The following PVR variants were observed in gnomAD, a reference collection of about 807,000 sequenced individuals.
PVR encodes the protein poliovirus receptor.
In PVR, 39 loss-of-function variants were observed where a neutral mutation model predicts 43.3. The ratio of observed to expected loss-of-function variants is 0.90; its 90% CI spans 0.70 to 1.18. PVR has a LOEUF of 1.18. Ranked by LOEUF, PVR falls within the 50% of genes most tolerant of loss-of-function variation. The pLI is 0.00. For missense variants in PVR, 480 were observed against 549.7 expected, an observed-to-expected ratio of 0.87 and a Z score of 1.27; for synonymous variants, 224 against 233.2, an observed-to-expected ratio of 0.96 and a Z score of 0.36.
At chr19:44,649,352 C>T (rs1406296957) in intron 2 of PVR, among the ~76,000 whole-genome samples, 1 of 151,996 alleles carries the variant, frequency 6.6e-6, no homozygotes, top group African/African-American at 2.4e-5. Context: ...GACAAGGAAA[C>T]TGAGGCACAG....
At chr19:44,644,494 T>C (rs1410623090) in intron 1 of PVR, among the ~76,000 whole-genome samples, 1 of 151,948 alleles carries the variant, frequency 6.6e-6, no homozygotes, top group South Asian at 2.1e-4. Context: ...AAAAGGCAAG[T>C]GAATCCCGGA....
At chr19:44,655,834 T>C (rs1362942352) in intron 4 of PVR, among the ~76,000 whole-genome samples, 4 of 151,430 alleles carry the variant, frequency 2.6e-5, no homozygotes, top group Non-Finnish European at 5.9e-5. Context: ...AATCATATTA[T>C]GCATTTCAGA....
intron 5 of PVR, 57 bp downstream of exon 5, chr19:44,657,967 T>C (rs1456718783): frequency 6.4e-7 from 1 of 1,567,732 alleles, no homozygotes; most frequent in Non-Finnish European, 8.7e-7. Context: ...CGAGGCAGGG[T>C]TCCCTGTCTA....
intron 3 of PVR, 35 bp downstream of exon 3, chr19:44,650,140 C>T: frequency 1.3e-6 from 2 of 1,491,908 alleles, no homozygotes; most frequent in Non-Finnish European, 1.8e-6. Context: ...GCAAGAACCC[C>T]TGCCGGGCTG....
intron 4 of PVR, among the ~76,000 whole-genome samples, chr19:44,655,659 A>G (rs1360051625): frequency 6.6e-6 from 1 of 152,042 alleles, no homozygotes; most frequent in Non-Finnish European, 1.5e-5. Context: ...CCACAACTCC[A>G]TTTTCCCCCA....
chr19:44,661,878 C>A lies in PVR; in HGVS notation c.*67C>A. On this transcript the variant is annotated 3_prime_UTR_variant, in exon 8 of 8. Transcript: ENST00000425690. Reference sequence around the variant, plus strand: ...GGACGTGGGCCTCCAGAGTTGGACCCGACCCCAATGGATGAAGACCCCCTC... The same window carrying A: ...GGACGTGGGCCTCCAGAGTTGGACCAGACCCCAATGGATGAAGACCCCCTC... The A allele has an allele frequency of 6.9e-7, 1 of 1,443,864 alleles. No homozygotes were observed. Among genetic ancestry groups the A allele is most frequent in the Non-Finnish European group, 9.7e-7 (1 of 1,031,050 alleles). The allele number at this position is 1,443,864 out of a possible 1,614,324, so 89.4% of individuals were successfully genotyped here.
chr19:44,654,188 G>C (rs1973369785), intron 4 of PVR, among the ~76,000 whole-genome samples, 171 bp downstream of exon 4: 1 of 151,470 alleles, frequency 6.6e-6, no homozygotes, highest in Non-Finnish European at 1.5e-5. Context: ...TCTGAGGGAA[G>C]AGGGGCTGGG....
intron 1 of PVR, among the ~76,000 whole-genome samples, chr19:44,646,556 G>A (rs1316126801): frequency 1.3e-5 from 2 of 152,104 alleles, no homozygotes; most frequent in African/African-American, 4.8e-5. Flanking sequence ...CTTGAGGTCA[G>A]GAGTTCAAGA....
At chr19:44,656,631 A>G (rs1283834105) in intron 4 of PVR, among the ~76,000 whole-genome samples, 3 of 152,206 alleles carry the variant, frequency 2.0e-5, no homozygotes, top group Non-Finnish European at 2.9e-5. Flanking sequence ...TAAAGTGTGT[A>G]GTGTGTGTGC....
Position 44,647,219 on chromosome 19 carries a change from G to T in PVR, c.80-4G>T. The T allele has an allele frequency of 1.3e-6, 2 of 1,532,710 alleles. No individual in the cohort carries two copies. 94.9% of individuals were successfully genotyped at this position (1,532,710 alleles called of 1,614,324 possible). A position where few individuals can be genotyped will look rare whatever the true frequency, so the allele number is the denominator to read the frequency against. ...TCTGACACCTTCTCTTCGGTTCTCC[G>T]CAGGGGACGTCGTCGTGCAGGCGCC... On this transcript the variant is annotated splice_polypyrimidine_tract_variant and splice_region_variant and intron_variant, in intron 1 of 7. Coordinates refer to ENST00000425690, the MANE Select transcript of PVR (RefSeq NM_006505.5).
chr19:44,661,475 C>A, intron 7 of PVR, 152 bp downstream of exon 7: 1 of 881,786 alleles, frequency 1.1e-6, no homozygotes, highest in East Asian at 2.6e-5. Flanking sequence ...TGGGCGGAAT[C>A]CCCTGTAGAG....
chr19:44,645,424 TATATATATATATATATATA>T (rs1391675671), intron 1 of PVR, among the ~76,000 whole-genome samples: 3 of 101,330 alleles, frequency 3.0e-5, no homozygotes, highest in Non-Finnish European at 5.5e-5. Context: ...TGTATATATA[TATATATATATATATATATA>T]TAGTGCGTGT....
At chr19:44,655,145 G>A (rs762051553) in intron 4 of PVR, among the ~76,000 whole-genome samples, 5 of 151,984 alleles carry the variant, frequency 3.3e-5, no homozygotes, top group Non-Finnish European at 7.4e-5. Flanking sequence ...GTGCAGTGGC[G>A]TGATCATAGC....
intron 1 of PVR, among the ~76,000 whole-genome samples, chr19:44,645,124 T>TAA (rs368011348): frequency 1.3e-4 from 8 of 59,742 alleles, no homozygotes; most frequent in African/African-American, 6.4e-4. Flanking sequence ...ATATAATATA[T>TAA]TATAATATAT....
At chr19:44,657,074 C>T (rs1222723032) in intron 4 of PVR, among the ~76,000 whole-genome samples, 1 of 152,120 alleles carries the variant, frequency 6.6e-6, no homozygotes, top group Non-Finnish European at 1.5e-5. Flanking sequence ...GGTGACATCC[C>T]AGCAGAGGCC....
chr19:44,646,558 A>G (rs569163387), intron 1 of PVR, among the ~76,000 whole-genome samples: 9 of 152,174 alleles, frequency 5.9e-5, no homozygotes, highest in Non-Finnish European at 1.0e-4. Context: ...TGAGGTCAGG[A>G]GTTCAAGACC....
At chr19:44,658,706 T>G in intron 5 of PVR, 36 bp from the exon 6 acceptor site, 1 of 1,542,076 alleles carries the variant, frequency 6.5e-7, no homozygotes, top group Non-Finnish European at 8.8e-7. Flanking sequence ...ACCCCAAGAG[T>G]TTCCTTACCT....
chr19:44,647,077 T>TACCC, intron 1 of PVR, 146 bp from the exon 2 acceptor site: 8 of 311,372 alleles, frequency 2.6e-5, no homozygotes, highest in Middle Eastern at 9.7e-4. Flanking sequence ...GTGCCCCAGT[T>TACCC]CCCCCTCCCC....
rs373986925 is a variant in PVR at position 44,661,857 on chromosome 19, G to C, written c.*46G>C. On this transcript the variant is annotated 3_prime_UTR_variant, in exon 8 of 8. Coordinates refer to ENST00000425690, the MANE Select transcript of PVR (RefSeq NM_006505.5). ...GAGAGAGACTGGAGCTGGCAAGGAC[G>C]TGGGCCTCCAGAGTTGGACCCGACC... The C allele has an allele frequency of 6.4e-7, 1 of 1,574,630 alleles. No individual in the cohort carries two copies. The highest frequency in any genetic ancestry group is 1.3e-5 in the African/African-American group (1 of 74,074).
Sources: gnomAD v4.1 joint callset for allele counts (sites outside exome capture counted in the v4.1 genomes callset) on GRCh38, gnomAD v4.1.1 for gene constraint, MANE v1.5 for transcripts, NCBI Gene and HGNC (gene_info 2026-07-23, HGNC 2026-07-21) for gene names.